CLTC: variants seen among roughly 807,000 people sequenced by gnomAD.
CLTC encodes clathrin heavy chain 1.
Under a neutral mutation model 195.8 loss-of-function variants are expected in CLTC, and 16 were observed. That is an observed-to-expected ratio of 0.08 (90% confidence interval 0.06 to 0.12). CLTC has a LOEUF of 0.12. CLTC is among the 10% of genes least tolerant of loss of function. The pLI, the probability that CLTC is intolerant of heterozygous loss-of-function variation, is 1.00. For synonymous variants in CLTC, 667 were observed against 689.4 expected, an observed-to-expected ratio of 0.97 and a Z score of 0.51; for missense variants, 796 against 2,027.0, an observed-to-expected ratio of 0.39 and a Z score of 11.66.
At chr17:59,649,374 C>T (rs1387050313) in intron 4 of CLTC, among the ~76,000 whole-genome samples, 2 of 152,188 alleles carry the variant, frequency 1.3e-5, no homozygotes, top group South Asian at 4.1e-4. Flanking sequence ...TCTCTGAAAT[C>T]CTAATACTTT....
chr17:59,623,343 T>C (rs1009029608), intron 1 of CLTC, among the ~76,000 whole-genome samples: 5 of 152,236 alleles, frequency 3.3e-5, no homozygotes, highest in African/African-American at 1.2e-4. Flanking sequence ...CCTGGAATTA[T>C]GCGGCAGTCT....
chr17:59,693,715 T>C lies in CLTC; in HGVS notation c.4904-13T>C, dbSNP rs762897005. On this transcript the variant is annotated splice_polypyrimidine_tract_variant and intron_variant, in intron 31 of 31. Coordinates refer to ENST00000269122, the MANE Select transcript of CLTC (RefSeq NM_004859.4). ...CCCTGCCCCCTGCTCCTTTTTGTTT[T>C]CTTCTACTGTAGGTCAGCCCCAGTT... 2 of 1,607,480 alleles carry C rather than the reference T, an allele frequency of 1.2e-6. No individual in the cohort carries two copies. Among genetic ancestry groups the C allele is most frequent in the East Asian group, 2.3e-5 (1 of 44,280 alleles).
intron 2 of CLTC, among the ~76,000 whole-genome samples, chr17:59,647,145 T>C (rs1320339719): frequency 6.6e-6 from 1 of 152,186 alleles, no homozygotes; most frequent in Non-Finnish European, 1.5e-5. Context: ...TCAGTTGGGA[T>C]TTAGAATTCC....
chr17:59,638,865 CATT>C (rs1156383268), intron 1 of CLTC, among the ~76,000 whole-genome samples: 1 of 152,138 alleles, frequency 6.6e-6, no homozygotes, highest in Non-Finnish European at 1.5e-5. Context: ...ACTATTTTCT[CATT>C]ATAAAAACAG....
rs1033554362 is a variant in CLTC, at chr17:59,677,042, A to G, written c.2650A>G (p.Ile884Val). The G allele has an allele frequency of 6.2e-7, 1 of 1,614,096 alleles. No individual in the cohort carries two copies. Among genetic ancestry groups the G allele is most frequent in the Non-Finnish European group, 8.5e-7 (1 of 1,179,996 alleles). ...TCACAATGCCTTAGCCAAAATCTAC[A>G]TAGACAGTAATAACAACCCGGAGAG... ...ATHNALAKIY[I>V]DSNNNPERFL... Residue 884 changes from isoleucine (I) to valine (V), a missense_variant, in exon 17 of 32, where the codon ATA becomes GTA. Ile to Val is a conservative substitution (Grantham distance 29). Transcript: ENST00000269122.
chr17:59,652,671 C>T (rs2032356865), intron 5 of CLTC, among the ~76,000 whole-genome samples: 1 of 152,102 alleles, frequency 6.6e-6, no homozygotes, highest in Admixed American at 6.5e-5. Context: ...TTTAGTAAAC[C>T]ATGCTGTAAA....
At chr17:59,630,652 C>T (rs1261189046) in intron 1 of CLTC, among the ~76,000 whole-genome samples, 2 of 152,176 alleles carry the variant, frequency 1.3e-5, no homozygotes, top group African/African-American at 4.8e-5. Context: ...GGATATTTCA[C>T]ATAAATGGAA....
At position 59,677,205 on chromosome 17, in the gene CLTC, G is replaced by T; in HGVS notation, c.2796+17G>T. On this transcript the variant is annotated intron_variant, in intron 17 of 31. Transcript: ENST00000269122. ...CTTATTAATGTGAGTACTGCTAGCT[G>T]AATATGTAGAGAAGCTGCATTTTTA... 1.3e-6 allele frequency: 2 copies of T among 1,570,646 alleles called. No individual in the cohort carries two copies. The highest frequency in any genetic ancestry group is 2.2e-5 in the South Asian group (2 of 90,092).
intron 1 of CLTC, among the ~76,000 whole-genome samples, chr17:59,639,072 T>C (rs2031954117): frequency 6.6e-6 from 1 of 152,224 alleles, no homozygotes; most frequent in Admixed American, 6.5e-5. Context: ...GTAGTGCCAC[T>C]TGCAGACCAA....
At chr17:59,680,013 C>A (rs2033050278) in intron 18 of CLTC, among the ~76,000 whole-genome samples, 1 of 151,970 alleles carries the variant, frequency 6.6e-6, no homozygotes, top group African/African-American at 2.4e-5. Flanking sequence ...CGCCATTGCA[C>A]TCCAGCCTGG....
chr17:59,692,634 AAT>A (rs1254075117), intron 31 of CLTC, among the ~76,000 whole-genome samples: 3 of 152,096 alleles, frequency 2.0e-5, no homozygotes, highest in Admixed American at 6.6e-5. Context: ...AGAATGTCTG[AAT>A]ATGTCTTTTT....
chr17:59,624,254 A>G (rs538023495), intron 1 of CLTC, among the ~76,000 whole-genome samples: 37 of 152,266 alleles, frequency 2.4e-4, no homozygotes, highest in Middle Eastern at 6.8e-3. Flanking sequence ...AATATTTCAA[A>G]GAAATTGGAT....
intron 5 of CLTC, among the ~76,000 whole-genome samples, chr17:59,652,148 G>C (rs530746033): frequency 1.5e-3 from 235 of 152,194 alleles, no homozygotes; most frequent in African/African-American, 4.9e-3. Context: ...TCTAATTCTG[G>C]TTTTCTTGCT....
chr17:59,690,641 T>C lies in CLTC; in HGVS notation c.4833T>C (p.Asp1611=), dbSNP rs1427778398. 3.1e-6 allele frequency: 5 copies of C among 1,611,494 alleles called. No individual in the cohort carries two copies. Among genetic ancestry groups the C allele is most frequent in the Middle Eastern group, 1.7e-4 (1 of 6,048 alleles). The change falls in exon 31 of 32, where the codon GAT becomes GAC. Residue 1611 remains aspartate (D), a synonymous_variant. Transcript: ENST00000269122. ...QVMKEYLTKV[D]KLDASESLRK... ...CATGATGTGTTTTTCTCCAGGTGGA[T>C]AAATTAGATGCTTCAGAATCACTGA...
intron 2 of CLTC, 49 bp downstream of exon 2, chr17:59,644,532 T>C: frequency 3.0e-6 from 4 of 1,355,862 alleles, no homozygotes; most frequent in Non-Finnish European, 4.0e-6. Flanking sequence ...TGTTTTTGTT[T>C]TTTTTTGTTT....
Position 59,673,578 on chromosome 17 carries a change from CAT to C in CLTC, c.2293-66_2293-65del. Reference sequence around the variant, plus strand: ...CTCTTGTTAGCGTAGAACAAATTCTCATATGTTACACAGATTTGATACCTCAT... The same window carrying C: ...CTCTTGTTAGCGTAGAACAAATTCTCATGTTACACAGATTTGATACCTCAT... On this transcript the variant is annotated intron_variant, in intron 14 of 31. Coordinates refer to ENST00000269122, the MANE Select transcript of CLTC (RefSeq NM_004859.4). 5 of 1,217,196 alleles carry C rather than the reference CAT, an allele frequency of 4.1e-6. No homozygotes were observed. The Admixed American group carries it at 7.7e-5, about 19-fold the overall frequency. The allele number at this position is 1,217,196 out of a possible 1,614,324, so 75.4% of individuals were successfully genotyped here. A position where few individuals can be genotyped will look rare whatever the true frequency, so the allele number is the denominator to read the frequency against.
At chr17:59,629,027 G>A (rs139621880) in intron 1 of CLTC, among the ~76,000 whole-genome samples, 4 of 152,180 alleles carry the variant, frequency 2.6e-5, no homozygotes, top group African/African-American at 9.6e-5. Context: ...CCACCAAAGT[G>A]GACAGACTGA....
intron 14 of CLTC, 72 bp downstream of exon 14, chr17:59,669,012 T>A: frequency 4.4e-6 from 6 of 1,368,548 alleles, no homozygotes; most frequent in Non-Finnish European, 5.9e-6. Flanking sequence ...TTGGTCATAG[T>A]TCAAAAATAT....
chr17:59,657,184 A>T (rs1185457960), intron 6 of CLTC, among the ~76,000 whole-genome samples: 1 of 152,116 alleles, frequency 6.6e-6, no homozygotes, highest in African/African-American at 2.4e-5. Context: ...TGAAGAGACA[A>T]TTCCTCTAGG....
Sources: gnomAD v4.1 joint callset for allele counts (sites outside exome capture counted in the v4.1 genomes callset) on GRCh38, gnomAD v4.1.1 for gene constraint, MANE v1.5 for transcripts, NCBI Gene and HGNC (gene_info 2026-07-23, HGNC 2026-07-21) for gene names.